The following ATG3 variants were observed in gnomAD, a reference collection of about 807,000 sequenced individuals.
ATG3 encodes the protein ubiquitin-like-conjugating enzyme ATG3.
ATG3 carries 25 observed loss-of-function variants against 50.7 expected under a neutral mutation model. The ratio of observed to expected loss-of-function variants is 0.49; its 90% confidence interval spans 0.36 to 0.69. The LOEUF (loss-of-function observed/expected upper bound fraction) is 0.69, where lower values mean the gene tolerates loss of function less well. Among genes scored for constraint, ATG3 ranks in the 30% least tolerant of loss-of-function variants. ATG3 has a pLI of 0.00. For synonymous variants in ATG3, 119 were observed against 125.5 expected, an observed-to-expected ratio of 0.95 and a Z score of 0.34; for missense variants, 281 against 376.0, an observed-to-expected ratio of 0.75 and a Z score of 2.09.
At chr3:112,548,828 T>C (rs1489765793) in intron 4 of ATG3, among the ~76,000 whole-genome samples, 188 bp from the exon 5 acceptor site, 1 of 152,268 alleles carries the variant, frequency 6.6e-6, no homozygotes, top group East Asian at 1.9e-4. Context: ...TGGCTACATT[T>C]ACCTTTTCCT....
Position 112,561,822 on chromosome 3 carries a change from G to A in ATG3, c.-294C>T, listed in dbSNP as rs1181141135. 9.7e-6 allele frequency: 4 copies of A among 410,992 alleles called. No homozygotes were observed. Among genetic ancestry groups the A allele is most frequent in the Admixed American group, 4.8e-5 (1 of 20,792 alleles). The allele number at this position is 410,992 out of a possible 1,614,324, so 25.5% of individuals were successfully genotyped here. On this transcript the variant is annotated 5_prime_UTR_variant, in exon 1 of 12. Coordinates refer to ENST00000283290, the MANE Select transcript of ATG3 (RefSeq NM_022488.5). ...GCAGCGGGGCCGAAGGGAGACCTGA[G>A]GTGAGAAGCGGACGCACACGCACCC...
chr3:112,544,108 T>TGTGTTGTGATATGTATCTACCCATCCGCC lies in ATG3; in HGVS notation c.344-3_344-2insGGCGGATGGGTAGATACATATCACAACAC. On this transcript the variant is annotated splice_region_variant and splice_polypyrimidine_tract_variant and intron_variant, in intron 5 of 11. Transcript: ENST00000283290. ...CGGCTTCCGTTATTCCTGTAATACCTATGTAAAATTCGGCAGAAAAGAATA... is the reference window on the plus strand; with the variant it reads ...CGGCTTCCGTTATTCCTGTAATACCTGTGTTGTGATATGTATCTACCCATCCGCCATGTAAAATTCGGCAGAAAAGAATA... 1 of 1,598,824 alleles carries TGTGTTGTGATATGTATCTACCCATCCGCC rather than the reference T, an allele frequency of 6.3e-7. No homozygotes were observed. The highest frequency in any genetic ancestry group is 8.6e-7 in the Non-Finnish European group (1 of 1,166,836).
chr3:112,543,232 T>G (rs959701919), intron 6 of ATG3, among the ~76,000 whole-genome samples: 1 of 152,094 alleles, frequency 6.6e-6, no homozygotes. Flanking sequence ...TCTAAGTGAT[T>G]TGATGGTTAA....
At chr3:112,551,358 G>A (rs746654435) in intron 3 of ATG3, among the ~76,000 whole-genome samples, 4 of 152,162 alleles carry the variant, frequency 2.6e-5, no homozygotes, top group Non-Finnish European at 5.9e-5. Flanking sequence ...TTAAAATAAG[G>A]TCATGATAGC....
chr3:112,538,418 T>G, intron 7 of ATG3: 1 of 432,030 alleles, frequency 2.3e-6, no homozygotes, highest in Non-Finnish European at 4.2e-6. Context: ...CCTCAGTGGC[T>G]CCACAGTGTA....
At chr3:112,533,640 T>G in intron 11 of ATG3, 1 of 985,346 alleles carries the variant, frequency 1.0e-6, no homozygotes, top group East Asian at 1.1e-4. Flanking sequence ...ATCTGGCATG[T>G]AAATCATTGA....
chr3:112,558,460 C>T lies in ATG3; in HGVS notation c.73-43G>A, dbSNP rs114105316. The T allele has an allele frequency of 7.8e-5, 112 of 1,433,936 alleles. No individual in the cohort carries two copies. In the African/African-American group the frequency reaches 1.5e-3, roughly 20 times the overall value. 88.8% of individuals were successfully genotyped at this position (1,433,936 alleles called of 1,614,324 possible). Reference sequence around the variant, plus strand: ...AAAAACAATATTATATCATGTTTCACTATCAATTAAATATATTTTGGGGGC... The same window carrying T: ...AAAAACAATATTATATCATGTTTCATTATCAATTAAATATATTTTGGGGGC... On this transcript the variant is annotated intron_variant, in intron 1 of 11. Transcript: ENST00000283290.
rs1413161739 is a variant in ATG3, at chr3:112,561,430, G to C, written c.72+27C>G. The C allele has an allele frequency of 2.5e-6, 4 of 1,609,440 alleles. No homozygotes were observed. In the East Asian group the frequency reaches 6.7e-5, roughly 27 times the overall value. Reference sequence around the variant, plus strand: ...TGAAAAGTCGAGCATGTGCCTGACAGCTCCCGGCAACCCTGGCCTGGCTTA... The same window carrying C: ...TGAAAAGTCGAGCATGTGCCTGACACCTCCCGGCAACCCTGGCCTGGCTTA... On this transcript the variant is annotated intron_variant, in intron 1 of 11. Coordinates refer to ENST00000283290, the MANE Select transcript of ATG3 (RefSeq NM_022488.5).
At chr3:112,560,581 G>GAA (rs534639165) in intron 1 of ATG3, among the ~76,000 whole-genome samples, 1 of 144,166 alleles carries the variant, frequency 6.9e-6, no homozygotes, top group Non-Finnish European at 1.5e-5. Flanking sequence ...AAAACAACTA[G>GAA]AAAAAAAAAA....
intron 4 of ATG3, among the ~76,000 whole-genome samples, chr3:112,549,812 A>AT (rs1933479400): frequency 6.6e-6 from 1 of 151,668 alleles, no homozygotes; most frequent in Non-Finnish European, 1.5e-5. Context: ...AAAAAAAAAA[A>AT]AAAAACCACT....
chr3:112,548,392 T>G lies in ATG3; in HGVS notation c.343+141A>C, dbSNP rs192855858. On this transcript the variant is annotated intron_variant, in intron 5 of 11. Coordinates refer to ENST00000283290, the MANE Select transcript of ATG3 (RefSeq NM_022488.5). ...ACTCTAAAGGCTTCTTTTTTAAAAT[T>G]TGTCCTCCTGCTTTTTTCATGTAAG... is the stretch of plus-strand genomic sequence containing the variant. The G allele has an allele frequency of 5.6e-6, 4 of 709,792 alleles. No individual in the cohort carries two copies. The Admixed American group carries it at 8.6e-5, about 15-fold the overall frequency. 44.0% of individuals were successfully genotyped at this position (709,792 alleles called of 1,614,324 possible). A position where few individuals can be genotyped will look rare whatever the true frequency, so the allele number is the denominator to read the frequency against.
rs1447728649 is a variant in ATG3 at position 112,561,733 on chromosome 3, G to C, written c.-205C>G. Reference sequence around the variant, plus strand: ...CACAGCGCGCGAAGACGGGGTGCGCGATCCTCGCACCCCAGGCAGCCCGCG... The same window carrying C: ...CACAGCGCGCGAAGACGGGGTGCGCCATCCTCGCACCCCAGGCAGCCCGCG... On this transcript the variant is annotated 5_prime_UTR_variant, in exon 1 of 12. It adds an upstream start codon to the 5' untranslated region. Transcript: ENST00000283290. The C allele has an allele frequency of 3.5e-6, 2 of 572,226 alleles. No homozygotes were observed. Among genetic ancestry groups the C allele is most frequent in the South Asian group, 2.1e-5 (1 of 46,606 alleles). The allele number at this position is 572,226 out of a possible 1,614,324, so 35.4% of individuals were successfully genotyped here. A position where few individuals can be genotyped will look rare whatever the true frequency, so the allele number is the denominator to read the frequency against.
rs966210210 is a variant in ATG3, at chr3:112,537,837, A to G, written c.564T>C (p.Ala188=). 3.7e-6 allele frequency: 6 copies of G among 1,612,786 alleles called. No individual in the cohort carries two copies. Among genetic ancestry groups the G allele is most frequent in the Admixed American group, 3.3e-5 (2 of 59,872 alleles). The change falls in exon 9 of 12, where the codon GCT becomes GCC. Residue 188 remains alanine, a synonymous_variant. Transcript: ENST00000283290. ...IVEACKAKTD[A]GGEDAILQTR... is the part of the protein sequence containing the mutation. Reference sequence around the variant, plus strand: ...TTTGCAAAATAGCATCTTCACCGCCAGCATCAGTTTTGGCTTTACAAGCTT... The same window carrying G: ...TTTGCAAAATAGCATCTTCACCGCCGGCATCAGTTTTGGCTTTACAAGCTT...
At chr3:112,550,983 A>T (rs1341349411) in intron 3 of ATG3, among the ~76,000 whole-genome samples, 2 of 152,164 alleles carry the variant, frequency 1.3e-5, no homozygotes, top group Non-Finnish European at 2.9e-5. Flanking sequence ...TTGGTGGGAG[A>T]GCAAGGGTCA....
intron 2 of ATG3, among the ~76,000 whole-genome samples, chr3:112,556,606 T>C (rs1005977027): frequency 7.9e-5 from 12 of 152,200 alleles, no homozygotes; most frequent in East Asian, 1.9e-4. Flanking sequence ...GGGGAAAAGA[T>C]TGAGAAATCG....
In ATG3 at chr3:112,541,841, T is replaced by A. The variant is rs769250954; in HGVS notation, c.437A>T (p.Glu146Val). 3.7e-5 allele frequency: 60 copies of A among 1,612,526 alleles called. No homozygotes were observed. Among genetic ancestry groups the A allele is most frequent in the Non-Finnish European group, 5.1e-5 (60 of 1,179,774 alleles). Residue 146 changes from glutamate to valine, a missense_variant, in exon 7 of 12, where the codon GAA becomes GTA. This residue lies in a region of ATG3 where 242 missense variants were observed against 305.0 expected (regional missense o/e 0.79). Coordinates refer to ENST00000283290, the MANE Select transcript of ATG3 (RefSeq NM_022488.5). ...AGCTTCTCCTTCATCTTCATCTTCT[T>A]CCTCTTCACATAGTGCTGAGCAATC... ...LQDCSALCEE[E>V]EDEDEGEAAD...
chr3:112,535,464 A>T (rs866811869), intron 10 of ATG3: 59 of 152,174 alleles, frequency 3.9e-4, no homozygotes, highest in African/African-American at 1.4e-3. Flanking sequence ...GATACGCTTC[A>T]GTTTGATAAG....
At chr3:112,545,413 A>G (rs1204618097) in intron 5 of ATG3, among the ~76,000 whole-genome samples, 3 of 152,250 alleles carry the variant, frequency 2.0e-5, no homozygotes, top group Admixed American at 2.0e-4. Context: ...TAAAGTTACT[A>G]AAGAAAAAAC....
chr3:112,541,718 A>T (rs1933233573), intron 7 of ATG3, 85 bp downstream of exon 7: 1 of 1,204,000 alleles, frequency 8.3e-7, no homozygotes, highest in South Asian at 1.3e-5. Context: ...CTTACAACTC[A>T]ATGAAGAATT....
Sources: gnomAD v4.1 joint callset for allele counts (sites outside exome capture counted in the v4.1 genomes callset) on GRCh38, gnomAD v4.1.1 for gene constraint, gnomAD v4.1.1 regional missense constraint, MANE v1.5 for transcripts, NCBI Gene and HGNC (gene_info 2026-07-23, HGNC 2026-07-21) for gene names.